Variants in KALRN observed in about 807,000 individuals in gnomAD.
KALRN encodes kalirin.
KALRN carries 70 observed loss-of-function variants against 353.7 expected under a neutral mutation model. That is an observed-to-expected ratio of 0.20 (90% CI 0.16 to 0.24). The LOEUF (loss-of-function observed/expected upper bound fraction) is 0.24. Ranked by LOEUF, KALRN falls within the 10% of genes least tolerant of loss-of-function variation. KALRN has a pLI of 1.00. For synonymous variants in KALRN, 1,391 were observed against 1,434.8 expected, an observed-to-expected ratio of 0.97 and a Z score of 0.69; for missense variants, 2,791 against 3,756.7, an observed-to-expected ratio of 0.74 and a Z score of 6.72.
intron 9 of KALRN, among the ~76,000 whole-genome samples, chr3:124,335,427 T>C (rs936485024): frequency 2.0e-5 from 3 of 152,184 alleles, no homozygotes; most frequent in Admixed American, 6.5e-5. Context: ...AAAGAAATGG[T>C]TATGTTTCTG....
chr3:124,269,372 A>C (rs1420074485), intron 5 of KALRN, 117 bp downstream of exon 5: 1 of 1,131,212 alleles, frequency 8.8e-7, no homozygotes, highest in African/African-American at 1.6e-5. Flanking sequence ...CAGTGTGCCT[A>C]CTAGTTTTAG....
chr3:124,423,920 G>A (rs1261357118), intron 15 of KALRN, among the ~76,000 whole-genome samples: 1 of 152,182 alleles, frequency 6.6e-6, no homozygotes, highest in African/African-American at 2.4e-5. Context: ...AGACTAAGTG[G>A]TAATTGTTTT....
At chr3:124,698,367 CTTG>C (rs1212484442) in intron 55 of KALRN, among the ~76,000 whole-genome samples, 1 of 152,222 alleles carries the variant, frequency 6.6e-6, no homozygotes, top group Non-Finnish European at 1.5e-5. Flanking sequence ...GAAGTTGTTC[CTTG>C]TTGTGTCTTC....
intron 51 of KALRN, among the ~76,000 whole-genome samples, chr3:124,686,461 T>C (rs1218582005): frequency 6.6e-6 from 1 of 152,036 alleles, no homozygotes; most frequent in Non-Finnish European, 1.5e-5. Flanking sequence ...TGGGCAGCAG[T>C]GTGTGGGTTG....
chr3:124,216,569 T>C (rs911765503), intron 1 of KALRN, among the ~76,000 whole-genome samples: 2 of 152,202 alleles, frequency 1.3e-5, no homozygotes, highest in Non-Finnish European at 2.9e-5. Flanking sequence ...CTGCTTCAGT[T>C]TGTCAGGTGA....
intron 1 of KALRN, among the ~76,000 whole-genome samples, chr3:124,129,344 G>A (rs916430981): frequency 6.6e-6 from 1 of 152,156 alleles, no homozygotes; most frequent in African/African-American, 2.4e-5. Flanking sequence ...TCACTGCTCT[G>A]CCTTAAGTCC....
intron 21 of KALRN, among the ~76,000 whole-genome samples, chr3:124,451,983 C>G (rs2058831501): frequency 6.6e-6 from 1 of 152,196 alleles, no homozygotes; most frequent in African/African-American, 2.4e-5. Context: ...CCCAATTGAC[C>G]CAGCTTATTT....
chr3:124,094,721 G>A lies in KALRN; in HGVS notation c.73+60908G>A, dbSNP rs138844997. The A allele has an allele frequency of 8.2e-4, 689 of 839,154 alleles. 4 individuals carry two copies. The African/African-American group carries it at 0.01, about 13-fold the overall frequency. The allele number at this position is 839,154 out of a possible 1,614,324, so 52.0% of individuals were successfully genotyped here. ...TGGCTGTCTTTGCAGGCAGGCATTT[G>A]CTTAGAGCAGGCTGTGTGCGAGCCC... On this transcript the variant is annotated intron_variant, in intron 1 of 59. Coordinates refer to ENST00000682506, the MANE Select transcript of KALRN (RefSeq NM_001388419.1).
chr3:124,604,793 C>T (rs1347068404), intron 34 of KALRN, among the ~76,000 whole-genome samples: 1 of 151,976 alleles, frequency 6.6e-6, no homozygotes, highest in East Asian at 1.9e-4. Flanking sequence ...CTCAAGCGAT[C>T]CTCTTGTCTC....
At chr3:124,268,481 G>A (rs1228135456) in intron 4 of KALRN, 1 of 481,100 alleles carries the variant, frequency 2.1e-6, no homozygotes, top group Non-Finnish European at 3.7e-6. Flanking sequence ...AGGAGAGGAG[G>A]GACACAAAAG....
intron 1 of KALRN, among the ~76,000 whole-genome samples, chr3:124,148,304 G>A (rs1032293735): frequency 8.5e-5 from 13 of 152,180 alleles, no homozygotes; most frequent in African/African-American, 3.1e-4. Flanking sequence ...GACAGAAATA[G>A]GATAACTGGG....
At chr3:124,202,552 C>T (rs1560218523) in intron 1 of KALRN, among the ~76,000 whole-genome samples, 1 of 152,098 alleles carries the variant, frequency 6.6e-6, no homozygotes, top group African/African-American at 2.4e-5. Flanking sequence ...GTGCAGCCTA[C>T]CCTAGTTTTT....
intron 34 of KALRN, among the ~76,000 whole-genome samples, chr3:124,564,005 CAAA>C (rs56072904): frequency 0.23 from 21,839 of 96,316 alleles, 2,423 homozygotes; most frequent in East Asian, 0.53. Flanking sequence ...GACTCTGTCT[CAAA>C]AAAAAAAAAA....
chr3:124,348,116 C>A (rs759820553), intron 10 of KALRN, among the ~76,000 whole-genome samples: 2 of 152,116 alleles, frequency 1.3e-5, no homozygotes, highest in Non-Finnish European at 2.9e-5. Context: ...TTTTATCAGG[C>A]GTGATTAGCT....
Position 124,066,163 on chromosome 3 carries a change from T to C in KALRN, c.73+32350T>C, listed in dbSNP as rs1472752066. ...ATTAGACAATGACATGAACATTGTG[T>C]TGTGTTGCTCATCTGTGCTCAGAAC... On this transcript the variant is annotated intron_variant, in intron 1 of 59. Transcript: ENST00000682506. Among the ~76,000 whole-genome samples, 3 of 152,292 alleles carry C rather than the reference T, an allele frequency of 2.0e-5. No individual in the cohort carries two copies. In the East Asian group the frequency reaches 5.8e-4, roughly 29 times the overall value.
At chr3:124,445,333 A>G (rs770921133) in intron 19 of KALRN, among the ~76,000 whole-genome samples, 81 of 152,368 alleles carry the variant, frequency 5.3e-4, no homozygotes, top group Non-Finnish European at 6.6e-4. Flanking sequence ...GGAAGAAGAC[A>G]TAATAAAATA....
At chr3:124,511,969 T>C (rs2065958015) in intron 33 of KALRN, among the ~76,000 whole-genome samples, 1 of 152,240 alleles carries the variant, frequency 6.6e-6, no homozygotes, top group African/African-American at 2.4e-5. Context: ...ACAAGATCCA[T>C]GAACACAGGC....
At chr3:124,285,982 G>T (rs752996878) in intron 5 of KALRN, among the ~76,000 whole-genome samples, 1 of 151,946 alleles carries the variant, frequency 6.6e-6, no homozygotes, top group Non-Finnish European at 1.5e-5. Context: ...CACTGTACTA[G>T]ATCTTTTAGT....
chr3:124,193,107 T>C (rs576683430), intron 1 of KALRN, among the ~76,000 whole-genome samples: 3 of 152,316 alleles, frequency 2.0e-5, no homozygotes, highest in African/African-American at 7.2e-5. Context: ...CTGTTTGCCT[T>C]CAGATCCATC....
Sources: allele counts gnomAD v4.1 joint callset (sites outside exome capture counted in the v4.1 genomes callset), GRCh38; gene constraint gnomAD v4.1.1; transcripts MANE v1.5; gene names NCBI Gene and HGNC (gene_info 2026-07-23, HGNC 2026-07-21).